HAO1: variants seen among roughly 807,000 people sequenced by gnomAD.
HAO1 encodes the protein hydroxyacid oxidase 1, also known as 2-Hydroxyacid oxidase 1.
A neutral mutation model predicts 39.7 loss-of-function variants in HAO1; 34 were observed. That is an observed-to-expected ratio of 0.86 (90% confidence interval 0.65 to 1.14). The LOEUF (loss-of-function observed/expected upper bound fraction) is 1.14, where lower values mean the gene tolerates loss of function less well. Ranked by LOEUF, HAO1 falls within the 50% of genes most tolerant of loss-of-function variation. The pLI, the probability that HAO1 is intolerant of heterozygous loss-of-function variation, is 0.00. For synonymous variants in HAO1, 172 were observed against 173.2 expected, an observed-to-expected ratio of 0.99 and a Z score of 0.05; for missense variants, 479 against 464.5, an observed-to-expected ratio of 1.03 and a Z score of -0.29.
chr20:7,887,641 A>G (rs1427684376), intron 5 of HAO1, among the ~76,000 whole-genome samples: 3 of 152,206 alleles, frequency 2.0e-5, no homozygotes. Flanking sequence ...GATGCAAGCT[A>G]TAATTAAGCA....
chr20:7,935,902 A>T (rs181176714), intron 1 of HAO1, among the ~76,000 whole-genome samples: 8 of 152,368 alleles, frequency 5.3e-5, no homozygotes, highest in Admixed American at 5.2e-4. Context: ...TGCATATCTA[A>T]CCAGCATTCA....
chr20:7,916,790 G>A, intron 2 of HAO1, among the ~76,000 whole-genome samples: 1 of 152,188 alleles, frequency 6.6e-6, no homozygotes, highest in Non-Finnish European at 1.5e-5. Flanking sequence ...TGAGTTGGAG[G>A]TCATCATGTC....
chr20:7,886,198 G>A (rs959604011), intron 5 of HAO1, among the ~76,000 whole-genome samples: 3 of 151,546 alleles, frequency 2.0e-5, no homozygotes, highest in African/African-American at 7.3e-5. Context: ...TTTTGAGAGA[G>A]GGTCTTGCTC....
At chr20:7,891,168 T>G (rs1487645182) in intron 5 of HAO1, among the ~76,000 whole-genome samples, 2 of 152,194 alleles carry the variant, frequency 1.3e-5, no homozygotes, top group African/African-American at 4.8e-5. Flanking sequence ...CTACCTGCAG[T>G]GTAGAAATGT....
At chr20:7,884,078 T>A (rs373153932) in intron 7 of HAO1, among the ~76,000 whole-genome samples, 3 of 152,286 alleles carry the variant, frequency 2.0e-5, no homozygotes, top group African/African-American at 7.2e-5. Flanking sequence ...TGATATGGAT[T>A]ACAGAAAAGG....
intron 4 of HAO1, among the ~76,000 whole-genome samples, chr20:7,901,556 A>T: frequency 6.6e-6 from 1 of 152,250 alleles, no homozygotes; most frequent in East Asian, 1.9e-4. Context: ...CTTTCAAAAT[A>T]TCACTGCTCA....
intron 3 of HAO1, among the ~76,000 whole-genome samples, 159 bp downstream of exon 3, chr20:7,914,005 T>C (rs1222648872): frequency 6.6e-6 from 1 of 152,190 alleles, no homozygotes; most frequent in East Asian, 1.9e-4. Context: ...TTTCTGTTTC[T>C]ATTGTGTATC....
At chr20:7,905,244 G>A (rs1259378479) in intron 4 of HAO1, among the ~76,000 whole-genome samples, 3 of 148,992 alleles carry the variant, frequency 2.0e-5, no homozygotes, top group Non-Finnish European at 4.4e-5. Flanking sequence ...TGCTGCACTG[G>A]GCTTAATTTC....
intron 3 of HAO1, among the ~76,000 whole-genome samples, chr20:7,908,557 G>A (rs1055636079): frequency 3.3e-5 from 5 of 152,000 alleles, no homozygotes; most frequent in Non-Finnish European, 5.9e-5. Context: ...GGCATATATT[G>A]TCATAAAGAT....
At position 7,885,520 on chromosome 20, in the gene HAO1, C is replaced by T. The variant is rs917996963; in HGVS notation, c.1042+1G>A. 1.3e-6 allele frequency: 2 copies of T among 1,590,166 alleles called. No homozygotes were observed. On this transcript the variant is annotated splice_donor_variant, in intron 7 of 7. Coordinates refer to ENST00000378789, the MANE Select transcript of HAO1 (RefSeq NM_017545.3). LOFTEE classifies it high-confidence loss of function. Reference sequence around the variant, plus strand: ...AAGTTGTAAACAAGAATGAGTCTTACCACTCAGAGCCATGGCCAACCGGAA... The same window carrying T: ...AAGTTGTAAACAAGAATGAGTCTTATCACTCAGAGCCATGGCCAACCGGAA...
intron 2 of HAO1, among the ~76,000 whole-genome samples, chr20:7,923,403 A>G (rs904207514): frequency 1.3e-5 from 2 of 152,180 alleles, no homozygotes; most frequent in Non-Finnish European, 2.9e-5. Context: ...TGAAGAAGCA[A>G]AAATAGGAAA....
At chr20:7,914,987 A>G (rs2050300137) in intron 2 of HAO1, among the ~76,000 whole-genome samples, 1 of 152,050 alleles carries the variant, frequency 6.6e-6, no homozygotes, top group East Asian at 1.9e-4. Flanking sequence ...GGGCGTGGTC[A>G]TGGGCGCCTG....
chr20:7,886,105 T>C (rs999435858), intron 5 of HAO1, among the ~76,000 whole-genome samples: 10 of 152,218 alleles, frequency 6.6e-5, no homozygotes, highest in African/African-American at 2.4e-4. Flanking sequence ...AGGTTGTCTT[T>C]TTTTCTGTTT....
chr20:7,916,046 C>G (rs938910859), intron 2 of HAO1, among the ~76,000 whole-genome samples: 1 of 152,034 alleles, frequency 6.6e-6, no homozygotes, highest in Non-Finnish European at 1.5e-5. Flanking sequence ...GTAGCAGTTA[C>G]ATTTTGGGGG....
chr20:7,933,411 T>G (rs1368833663), intron 2 of HAO1, among the ~76,000 whole-genome samples: 1 of 152,216 alleles, frequency 6.6e-6, no homozygotes, highest in African/African-American at 2.4e-5. Context: ...ATCTTGATTT[T>G]GTATAGATAT....
intron 3 of HAO1, among the ~76,000 whole-genome samples, chr20:7,907,535 C>A (rs1165104467): frequency 6.6e-6 from 1 of 152,192 alleles, no homozygotes; most frequent in Non-Finnish European, 1.5e-5. Flanking sequence ...ATTCCCTTCA[C>A]CTTCCCTATT....
chr20:7,888,564 C>G (rs888761106), intron 5 of HAO1, among the ~76,000 whole-genome samples: 1 of 152,142 alleles, frequency 6.6e-6, no homozygotes, highest in Non-Finnish European at 1.5e-5. Context: ...ATAAATCCTC[C>G]CTTGACTGTC....
At chr20:7,927,530 A>G (rs1396797901) in intron 2 of HAO1, among the ~76,000 whole-genome samples, 1 of 152,138 alleles carries the variant, frequency 6.6e-6, no homozygotes, top group Non-Finnish European at 1.5e-5. Context: ...TATTCGTAAC[A>G]CAGTGCATGA....
chr20:7,898,337 TC>T (rs1469904089), intron 4 of HAO1, among the ~76,000 whole-genome samples: 2 of 152,174 alleles, frequency 1.3e-5, no homozygotes, highest in Non-Finnish European at 2.9e-5. Flanking sequence ...GGTACAGTTT[TC>T]TGTATGTTTT....
Sources: gnomAD v4.1 joint callset for allele counts (sites outside exome capture counted in the v4.1 genomes callset) on GRCh38, gnomAD v4.1.1 for gene constraint, MANE v1.5 for transcripts, NCBI Gene and HGNC (gene_info 2026-07-23, HGNC 2026-07-21) for gene names.